The following HAUS7 variants were observed in gnomAD, a reference collection of about 807,000 sequenced individuals.
HAUS7 encodes the protein HAUS augmin like complex subunit 7, also known as HAUS augmin-like complex subunit 7.
HAUS7 carries 3 observed loss-of-function variants against 28.4 expected under a neutral mutation model. That is an observed-to-expected ratio of 0.11 (90% CI 0.05 to 0.27). The LOEUF is 0.27. Ranked by LOEUF, HAUS7 falls within the 10% of genes least tolerant of loss-of-function variation. The probability of loss-of-function intolerance (pLI) is 1.00; values close to 1 mark genes in which losing one functional copy is unlikely to be tolerated. For missense variants in HAUS7, 284 were observed against 297.3 expected (o/e 0.96, Z 0.33); for synonymous variants, 165 against 132.1 (o/e 1.25, Z -1.71).
At position 153,470,470 on chromosome X, in the gene HAUS7, C is replaced by G. The variant is rs782260594; in HGVS notation, c.88G>C (p.Glu30Gln). Residue 30 changes from glutamate to glutamine, a missense_variant, in exon 1 of 10, where the codon GAG becomes CAG. Physicochemically the swap from Glu to Gln is conservative, Grantham distance 29. Transcript: ENST00000370211. ...GDSSVSRAAV[E>Q]VFGKLKDLNC... ...AGCACCTTCAGCTTCCCGAACACCT[C>G]CACAGCCGCCCTGGACACGCTGCTG... 1 of 1,207,847 alleles carries G rather than the reference C, an allele frequency of 8.3e-7. No homozygotes were observed. The highest frequency in any genetic ancestry group is 1.7e-5 in the African/African-American group (1 of 57,464).
intron 1 of HAUS7, among the ~76,000 whole-genome samples, chrX:153,487,955 G>A (rs1211312180): frequency 8.9e-6 from 1 of 112,930 alleles, no homozygotes; most frequent in African/African-American, 3.2e-5. Context: ...GGTTTCCTGG[G>A]ACAGCCTCCA....
Position 153,454,523 on chromosome X carries a change from A to T in HAUS7, c.931-15T>A. The T allele has an allele frequency of 1.4e-5, 1 of 70,349 alleles. No individual in the cohort carries two copies. The highest frequency in any genetic ancestry group is 2.7e-5 in the Non-Finnish European group (1 of 37,121). 5.8% of individuals were successfully genotyped at this position (70,349 alleles called of 1,213,427 possible). A position where few individuals can be genotyped will look rare whatever the true frequency, so the allele number is the denominator to read the frequency against. ...ACTTGCAGCAGCTGGGGAGGGAGGG[A>T]GGGAGGGAGGGAGGGAGGGAGGGAG... On this transcript the variant is annotated splice_polypyrimidine_tract_variant and intron_variant, in intron 8 of 9. Transcript: ENST00000370211.
intron 4 of HAUS7, 80 bp downstream of exon 4, chrX:153,462,530 C>T: frequency 1.2e-6 from 1 of 826,335 alleles, no homozygotes; most frequent in Non-Finnish European, 1.8e-6. Flanking sequence ...AATCCTCCCA[C>T]CTCAGCCAGC....
At chrX:153,492,600 C>G (rs1464766605) in intron 1 of HAUS7, among the ~76,000 whole-genome samples, 1 of 111,849 alleles carries the variant, frequency 8.9e-6, no homozygotes, top group African/African-American at 3.2e-5. Flanking sequence ...CATAATGTGT[C>G]TCCCCCAAGC....
At chrX:153,474,881 C>G (rs1419391212), upstream of HAUS7, among the ~76,000 whole-genome samples, 4 of 111,901 alleles carry the variant, frequency 3.6e-5, no homozygotes, top group East Asian at 1.1e-3. Context: ...GGGATCGCCC[C>G]CTCCGCGGGG....
chrX:153,492,526 T>C (rs2124198941), intron 1 of HAUS7, among the ~76,000 whole-genome samples: 1 of 111,996 alleles, frequency 8.9e-6, no homozygotes, highest in African/African-American at 3.2e-5. Context: ...ACAAGGACCG[T>C]ATTTATATGA....
intron 1 of HAUS7, among the ~76,000 whole-genome samples, chrX:153,494,565 C>T (rs966780530): frequency 8.9e-6 from 1 of 112,321 alleles, no homozygotes; most frequent in Admixed American, 9.3e-5. Context: ...ATGGGCCTAG[C>T]AGCCCAAGGC....
At chrX:153,465,961 C>T (rs2089450119) in intron 2 of HAUS7, among the ~76,000 whole-genome samples, 1 of 112,797 alleles carries the variant, frequency 8.9e-6, no homozygotes, top group African/African-American at 3.2e-5. Context: ...AGTCGCTTTC[C>T]ACCAGGCTGC....
chrX:153,486,041 G>T (rs1556988477), intron 1 of HAUS7: 4 of 967,551 alleles, frequency 4.1e-6, no homozygotes, highest in African/African-American at 2.0e-5. Flanking sequence ...CATCCCACGC[G>T]GCCTCCTGGG....
upstream of HAUS7, among the ~76,000 whole-genome samples, chrX:153,473,570 AGTGTGTGCGT>A (rs781942344): frequency 4.4e-5 from 5 of 112,990 alleles, no homozygotes; most frequent in African/African-American, 1.3e-4. Flanking sequence ...AGACAAGGCA[AGTGTGTGCGT>A]GTGTGTGCGT....
intron 2 of HAUS7, 69 bp from the exon 3 acceptor site, chrX:153,465,124 G>A (rs1053331300): frequency 1.7e-5 from 12 of 713,810 alleles, no homozygotes; most frequent in Non-Finnish European, 2.4e-5. Flanking sequence ...CTCTATACGC[G>A]CTGGAAGAAG....
intron 1 of HAUS7, chrX:153,482,745 G>T: frequency 1.3e-6 from 1 of 756,606 alleles, no homozygotes; most frequent in Non-Finnish European, 1.6e-6. Flanking sequence ...GCTGGAGGTG[G>T]AAGGGAACCA....
At chrX:153,484,432 G>A (rs782544101) in intron 1 of HAUS7, among the ~76,000 whole-genome samples, 2 of 112,129 alleles carry the variant, frequency 1.8e-5, no homozygotes, top group East Asian at 2.8e-4. Flanking sequence ...GGCCACTCAC[G>A]GCAACCAGAT....
chrX:153,490,806 C>A (rs1054573408), intron 1 of HAUS7, among the ~76,000 whole-genome samples: 36 of 112,751 alleles, frequency 3.2e-4, no homozygotes, highest in African/African-American at 1.1e-3. Flanking sequence ...CAGGCGGCCT[C>A]AGGGCACTGC....
intron 1 of HAUS7, chrX:153,483,410 C>T: frequency 1.3e-6 from 1 of 755,724 alleles, no homozygotes; most frequent in Non-Finnish European, 1.6e-6. Flanking sequence ...GCTTCAGGAG[C>T]ACTGGCTGGC....
chrX:153,461,635 G>C (rs1556983384), intron 4 of HAUS7: 1 of 129,723 alleles, frequency 7.7e-6, no homozygotes, highest in Admixed American at 9.0e-5. Flanking sequence ...CTCACAAAAA[G>C]ACGCTCCGTA....
intron 1 of HAUS7, among the ~76,000 whole-genome samples, chrX:153,476,241 T>C (rs2089562231): frequency 8.9e-6 from 1 of 112,438 alleles, no homozygotes; most frequent in South Asian, 3.7e-4. Flanking sequence ...ATCCCTCTTT[T>C]TCGGAGGGCT....
chrX:153,457,232 G>C lies in HAUS7; in HGVS notation c.355-4C>G. 1 of 1,154,380 alleles carries C rather than the reference G, an allele frequency of 8.7e-7. No homozygotes were observed. The highest frequency in any genetic ancestry group is 1.2e-6 in the Non-Finnish European group (1 of 843,322). Reference sequence around the variant, plus strand: ...GCTTCTGGGCGCAGGCACAGCCCTGGGCAAGGAAGACCACAGACATTCACT... The same window carrying C: ...GCTTCTGGGCGCAGGCACAGCCCTGCGCAAGGAAGACCACAGACATTCACT... On this transcript the variant is annotated splice_polypyrimidine_tract_variant and splice_region_variant and intron_variant, in intron 4 of 9. Transcript: ENST00000370211.
At chrX:153,448,749 A>T (rs1488306371) in intron 9 of HAUS7, among the ~76,000 whole-genome samples, 9 of 111,496 alleles carry the variant, frequency 8.1e-5, no homozygotes, top group African/African-American at 2.3e-4. Context: ...GGAGCTGCTC[A>T]GGCTCTGTGG....
Sources: allele counts gnomAD v4.1 joint callset (sites outside exome capture counted in the v4.1 genomes callset), GRCh38; gene constraint gnomAD v4.1.1; transcripts MANE v1.5; gene names NCBI Gene and HGNC (gene_info 2026-07-23, HGNC 2026-07-21).